PNISR: variants seen among roughly 807,000 people sequenced by gnomAD.
PNISR encodes the protein arginine/serine-rich protein PNISR.
Under a neutral mutation model 93.4 loss-of-function variants are expected in PNISR, and 20 were observed. The ratio of observed to expected loss-of-function variants is 0.21; its 90% CI spans 0.15 to 0.31. The LOEUF (loss-of-function observed/expected upper bound fraction) is 0.31, where lower values mean the gene tolerates loss of function less well. PNISR is among the 10% of genes least tolerant of loss of function. The probability of loss-of-function intolerance (pLI) is 1.00; values close to 1 mark genes in which losing one functional copy is unlikely to be tolerated. For synonymous variants in PNISR, 305 were observed against 306.5 expected, an observed-to-expected ratio of 0.99 and a Z score of 0.05; for missense variants, 893 against 985.4, an observed-to-expected ratio of 0.91 and a Z score of 1.25.
At chr6:99,412,830 T>C (rs1777123675) in intron 3 of PNISR, 91 bp from the exon 4 acceptor site, 3 of 794,106 alleles carry the variant, frequency 3.8e-6, no homozygotes, top group Non-Finnish European at 3.8e-6. Context: ...AACTATTCCT[T>C]AGATCTTAAA....
Position 99,409,297 on chromosome 6 carries a change from A to G in PNISR, c.549T>C (p.Tyr183=), listed in dbSNP as rs779014068. ...GPPQGGFHPP[Y]WQPGPPGPPA... ...GAGGTCCTGGAGGTCCTGGTTGCCA[A>G]TAAGGAGGATGAAATCCACCTTGCG... Residue 183 remains tyrosine (Y), a synonymous_variant, in exon 6 of 12, where the codon TAT becomes TAC. Coordinates refer to ENST00000369239, the MANE Select transcript of PNISR (RefSeq NM_032870.4). 1.2e-6 allele frequency: 2 copies of G among 1,613,954 alleles called. No individual in the cohort carries two copies. Among genetic ancestry groups the G allele is most frequent in the East Asian group, 2.2e-5 (1 of 44,886 alleles).
Position 99,412,716 on chromosome 6 carries a change from C to A in PNISR, c.112G>T (p.Ala38Ser). Residue 38 changes from alanine to serine, a missense_variant, in exon 4 of 12, where the codon GCC becomes TCC. By Grantham distance (99) the Ala-to-Ser change is moderately conservative (BLOSUM62 1). Coordinates refer to ENST00000369239, the MANE Select transcript of PNISR (RefSeq NM_032870.4). Reference sequence around the variant, plus strand: ...TCTCTTTGGGCAATCCAAGCTTGGGCCAATGCAGCCCAATCAATCTGGCCT... The same window carrying A: ...TCTCTTTGGGCAATCCAAGCTTGGGACAATGCAGCCCAATCAATCTGGCCT... The part of the protein sequence containing the change: ...DPSQIDWAAL[A>S]QAWIAQREAS... The A allele has an allele frequency of 6.3e-7, 1 of 1,585,224 alleles. No individual in the cohort carries two copies. The highest frequency in any genetic ancestry group is 1.2e-5 in the South Asian group (1 of 85,340).
intron 1 of PNISR, among the ~76,000 whole-genome samples, chr6:99,418,201 A>G (rs938925388): frequency 5.3e-5 from 8 of 151,546 alleles, no homozygotes; most frequent in African/African-American, 1.5e-4. Flanking sequence ...GCAGTGGTGC[A>G]GTCTGGGCTC....
rs553622849 is a variant in PNISR, at chr6:99,405,556, A to G, written c.1002+475T>C. ...CTGTATAGTAGACACACTGAATTCA[A>G]AACACTTTTTTCTTTCTTTTTTTTC... On this transcript the variant is annotated intron_variant, in intron 8 of 11. Coordinates refer to ENST00000369239, the MANE Select transcript of PNISR (RefSeq NM_032870.4). Among the ~76,000 whole-genome samples, 3 of 152,260 alleles carry G rather than the reference A, an allele frequency of 2.0e-5. No individual in the cohort carries two copies. In the East Asian group the frequency reaches 5.8e-4, roughly 29 times the overall value.
At chr6:99,412,834 T>A in intron 3 of PNISR, 95 bp from the exon 4 acceptor site, 1 of 768,414 alleles carries the variant, frequency 1.3e-6, no homozygotes, top group Non-Finnish European at 2.0e-6. Flanking sequence ...ATTCCTTAGA[T>A]CTTAAATATT....
intron 6 of PNISR, 38 bp from the exon 7 acceptor site, chr6:99,408,309 G>A: frequency 7.2e-7 from 1 of 1,386,338 alleles, no homozygotes; most frequent in South Asian, 1.3e-5. Flanking sequence ...AGTCAGTTAA[G>A]TAAAATATTT....
intron 8 of PNISR, 87 bp downstream of exon 8, chr6:99,405,944 G>A (rs2128482000): frequency 2.4e-6 from 2 of 824,220 alleles, no homozygotes; most frequent in East Asian, 5.2e-5. Flanking sequence ...AGCAGTTCTA[G>A]TTTCTGTTTT....
At chr6:99,417,587 G>A (rs576272061) in intron 1 of PNISR, among the ~76,000 whole-genome samples, 2 of 152,112 alleles carry the variant, frequency 1.3e-5, no homozygotes, top group Non-Finnish European at 2.9e-5. Flanking sequence ...GTTTCAATTC[G>A]TGGTGATTAA....
chr6:99,410,700 C>T (rs752198963), intron 5 of PNISR, 41 bp downstream of exon 5: 8 of 1,396,140 alleles, frequency 5.7e-6, no homozygotes, highest in East Asian at 2.3e-5. Context: ...GAATGGATTA[C>T]GTGCACATCT....
intron 10 of PNISR, 90 bp downstream of exon 10, chr6:99,403,739 C>A: frequency 3.2e-6 from 3 of 929,992 alleles, no homozygotes; most frequent in South Asian, 2.9e-5. Flanking sequence ...CTGAGTAGGA[C>A]TAATACAGTT....
At position 99,412,567 on chromosome 6, in the gene PNISR, G is replaced by T. The variant is rs1386483995; in HGVS notation, c.261C>A (p.Asn87Lys). The T allele has an allele frequency of 6.3e-7, 1 of 1,594,814 alleles. No homozygotes were observed. Among genetic ancestry groups the T allele is most frequent in the Non-Finnish European group, 8.5e-7 (1 of 1,172,308 alleles). The stretch of plus-strand genomic sequence containing the variant: ...ACAACAAACCTGGTTGCCACATTCT[G>T]TTGAAGTTTGAATCCCCTTGGAAAT... ...HGNFQGDSNF[N>K]RMWQPEWGMH... Residue 87 changes from asparagine to lysine, a missense_variant, in exon 4 of 12, where the codon AAC becomes AAA. Physicochemically the swap from Asn to Lys is moderately conservative, Grantham distance 94. This residue lies in a region of PNISR where 866 missense variants were observed against 935.1 expected (regional missense o/e 0.93). Transcript: ENST00000369239.
chr6:99,410,606 A>G (rs552288331), intron 5 of PNISR, 135 bp downstream of exon 5: 20 of 578,758 alleles, frequency 3.5e-5, no homozygotes, highest in East Asian at 3.4e-4. Context: ...TCAAAAATTG[A>G]TAACTGAGAC....
At position 99,401,004 on chromosome 6, in the gene PNISR, T is replaced by C. The variant is rs1236244801; in HGVS notation, c.1954A>G (p.Asn652Asp). ...IDDQRGNLSG[N>D]SHKHKGEAKE... The stretch of plus-strand genomic sequence containing the variant: ...GCCTCACCTTTATGCTTATGACTGT[T>C]CCCACTAAGATTTCCACGTTGATCA... The change falls in exon 12 of 12, where the codon AAC (asparagine) becomes GAC (aspartate). Residue 652 changes from asparagine to aspartate, a missense_variant. Asn to Asp is a conservative substitution (Grantham distance 23). Coordinates refer to ENST00000369239, the MANE Select transcript of PNISR (RefSeq NM_032870.4). 1 of 1,613,740 alleles carries C rather than the reference T, an allele frequency of 6.2e-7. No individual in the cohort carries two copies. The highest frequency in any genetic ancestry group is 8.5e-7 in the Non-Finnish European group (1 of 1,179,744).
intron 7 of PNISR, 37 bp downstream of exon 7, chr6:99,408,044 T>G: frequency 6.8e-7 from 1 of 1,478,700 alleles, no homozygotes; most frequent in Middle Eastern, 1.8e-4. Context: ...ACAACCAAGA[T>G]TTTCACATGG....
In PNISR at chr6:99,412,539, T is replaced by TA. The variant is rs764098598; in HGVS notation, c.277+11dup. 8 of 1,553,764 alleles carry TA rather than the reference T, an allele frequency of 5.1e-6. No homozygotes were observed. The highest frequency in any genetic ancestry group is 7.0e-6 in the Non-Finnish European group (8 of 1,148,800). On this transcript the variant is annotated intron_variant, in intron 4 of 11. Transcript: ENST00000369239. Reference sequence around the variant, plus strand: ...TAAAAGTCTTAAAATTGTGAAAACATAAACAACAAACCTGGTTGCCACATT... The same window carrying TA: ...TAAAAGTCTTAAAATTGTGAAAACATAAAACAACAAACCTGGTTGCCACATT...
Sources: gnomAD v4.1 joint callset for allele counts (sites outside exome capture counted in the v4.1 genomes callset) on GRCh38, gnomAD v4.1.1 for gene constraint, gnomAD v4.1.1 regional missense constraint, MANE v1.5 for transcripts, NCBI Gene and HGNC (gene_info 2026-07-23, HGNC 2026-07-21) for gene names.